The following ESRRG variants were observed in gnomAD, a reference collection of about 807,000 sequenced individuals.
ESRRG encodes estrogen-related receptor gamma.
Under a neutral mutation model 44.0 loss-of-function variants are expected in ESRRG, and 13 were observed. The ratio of observed to expected loss-of-function variants is 0.30; its 90% CI spans 0.19 to 0.47. The LOEUF (loss-of-function observed/expected upper bound fraction) is 0.47. ESRRG is among the 20% of genes least tolerant of loss of function. The probability of loss-of-function intolerance (pLI) is 1.00; values close to 1 mark genes in which losing one functional copy is unlikely to be tolerated. For missense variants in ESRRG, 395 were observed against 580.6 expected, an observed-to-expected ratio of 0.68 and a Z score of 3.29; for synonymous variants, 215 against 214.6, an observed-to-expected ratio of 1.00 and a Z score of -0.02.
intron 2 of ESRRG, among the ~76,000 whole-genome samples, chr1:216,761,081 A>G (rs2092744893): frequency 1.3e-5 from 2 of 151,888 alleles, no homozygotes; most frequent in Admixed American, 1.3e-4. Flanking sequence ...ACAGGTGTTA[A>G]TGTCTAGGAG....
chr1:216,698,121 G>A (rs897197362), intron 1 of ESRRG, among the ~76,000 whole-genome samples: 1 of 152,138 alleles, frequency 6.6e-6, no homozygotes, highest in Admixed American at 6.5e-5. Flanking sequence ...CCAATGCTCA[G>A]TAGGAATTAT....
chr1:216,786,974 T>C (rs558686152), intron 2 of ESRRG, among the ~76,000 whole-genome samples: 1 of 152,238 alleles, frequency 6.6e-6, no homozygotes, highest in East Asian at 1.9e-4. Flanking sequence ...ATATTGCACT[T>C]TTTGCAAATG....
chr1:216,795,443 C>T (rs1442383923), intron 2 of ESRRG, among the ~76,000 whole-genome samples: 5 of 147,836 alleles, frequency 3.4e-5, no homozygotes, highest in East Asian at 2.0e-4. Context: ...TTGATTCAAG[C>T]GATTCTCCTG....
chr1:216,624,996 T>C (rs1372825531), intron 3 of ESRRG, among the ~76,000 whole-genome samples: 1 of 152,154 alleles, frequency 6.6e-6, no homozygotes, highest in Non-Finnish European at 1.5e-5. Flanking sequence ...GTTCCCCTCA[T>C]TGAACCTTCA....
chr1:216,786,008 A>G (rs2094115764), intron 2 of ESRRG, among the ~76,000 whole-genome samples: 1 of 152,110 alleles, frequency 6.6e-6, no homozygotes, highest in Non-Finnish European at 1.5e-5. Context: ...GGAACAGTAC[A>G]ATCAATGGAA....
chr1:216,629,702 G>A (rs144603279), intron 3 of ESRRG, among the ~76,000 whole-genome samples: 1 of 152,160 alleles, frequency 6.6e-6, no homozygotes, highest in Admixed American at 6.5e-5. Flanking sequence ...ATAGAACAGG[G>A]ATCATTAGAA....
At chr1:216,644,344 T>C (rs2067057731) in intron 3 of ESRRG, among the ~76,000 whole-genome samples, 1 of 152,140 alleles carries the variant, frequency 6.6e-6, no homozygotes, top group Non-Finnish European at 1.5e-5. Flanking sequence ...GTGTATTTTC[T>C]AGACTTCTAC....
chr1:217,103,161 C>A (rs968537447), intron 1 of ESRRG, among the ~76,000 whole-genome samples: 10 of 146,816 alleles, frequency 6.8e-5, no homozygotes, highest in African/African-American at 2.7e-4. Context: ...CATGTTTATT[C>A]TGTTCATTTG....
intron 2 of ESRRG, among the ~76,000 whole-genome samples, chr1:216,751,143 T>C (rs1197038060): frequency 1.3e-5 from 2 of 152,126 alleles, no homozygotes; most frequent in Admixed American, 1.3e-4. Context: ...CACCAAGTAG[T>C]GGATGGGTTA....
At chr1:216,531,942 A>C (rs925682162) in intron 5 of ESRRG, among the ~76,000 whole-genome samples, 4 of 152,096 alleles carry the variant, frequency 2.6e-5, no homozygotes, top group East Asian at 1.9e-4. Flanking sequence ...TGCAAAAAAA[A>C]CCCAGGAAAT....
chr1:216,850,236 A>T (rs1016041675), intron 2 of ESRRG, among the ~76,000 whole-genome samples: 6 of 152,134 alleles, frequency 3.9e-5, no homozygotes, highest in African/African-American at 1.4e-4. Flanking sequence ...AAAAGAAATG[A>T]ATGGTGAAAA....
chr1:216,823,004 A>G (rs2095328269), intron 2 of ESRRG, among the ~76,000 whole-genome samples: 1 of 152,068 alleles, frequency 6.6e-6, no homozygotes, highest in South Asian at 2.1e-4. Flanking sequence ...AGTTTACCCA[A>G]TTAGAAAAGG....
chr1:216,827,628 T>C (rs183440549), intron 2 of ESRRG, among the ~76,000 whole-genome samples: 287 of 152,324 alleles, frequency 1.9e-3, no homozygotes, highest in African/African-American at 6.7e-3. Flanking sequence ...TTTGACCTCT[T>C]AAATTGACAG....
intron 2 of ESRRG, among the ~76,000 whole-genome samples, chr1:216,842,384 C>G (rs111437486): frequency 3.9e-5 from 6 of 152,026 alleles, no homozygotes; most frequent in African/African-American, 1.4e-4. Flanking sequence ...GCACTCACTA[C>G]CAAGGGAGCC....
intron 3 of ESRRG, among the ~76,000 whole-genome samples, chr1:216,611,911 G>A (rs984619739): frequency 4.6e-5 from 7 of 152,206 alleles, no homozygotes; most frequent in African/African-American, 1.7e-4. Context: ...TGAAGAAGCA[G>A]AAATATGGAG....
intron 1 of ESRRG, among the ~76,000 whole-genome samples, chr1:217,018,697 C>T (rs11572435): frequency 0.15 from 22,524 of 152,090 alleles, 2,171 homozygotes; most frequent in East Asian, 0.21. Context: ...GACTGTCCTT[C>T]CCCAATTAGG....
chr1:216,918,847 T>C (rs1309967532), intron 2 of ESRRG, among the ~76,000 whole-genome samples: 2 of 148,186 alleles, frequency 1.3e-5, no homozygotes, highest in Non-Finnish European at 3.0e-5. Context: ...GATATATATA[T>C]AATAATATAT....
intron 4 of ESRRG, 108 bp from the exon 5 acceptor site, chr1:216,564,488 A>C: frequency 2.5e-6 from 2 of 801,762 alleles, no homozygotes; most frequent in East Asian, 2.9e-5. Context: ...TCCTACAATA[A>C]ACGCTAAATA....
At chr1:216,652,819 A>G (rs1011151211) in intron 2 of ESRRG, among the ~76,000 whole-genome samples, 1 of 152,128 alleles carries the variant, frequency 6.6e-6, no homozygotes, top group African/African-American at 2.4e-5. Context: ...TTTTGCATCA[A>G]AAGAGTGTTG....
Sources: allele counts gnomAD v4.1 joint callset (sites outside exome capture counted in the v4.1 genomes callset), GRCh38; gene constraint gnomAD v4.1.1; transcripts MANE v1.5; gene names NCBI Gene and HGNC (gene_info 2026-07-23, HGNC 2026-07-21).